KIRREL3: variants seen among roughly 807,000 people sequenced by gnomAD.
KIRREL3 encodes the protein kirre like nephrin family adhesion molecule 3.
A neutral mutation model predicts 89.7 loss-of-function variants in KIRREL3; 36 were observed. The ratio of observed to expected loss-of-function variants is 0.40; its 90% CI spans 0.31 to 0.53. The LOEUF (loss-of-function observed/expected upper bound fraction) is 0.53, where lower values mean the gene tolerates loss of function less well. Among genes scored for constraint, KIRREL3 ranks in the 20% least tolerant of loss-of-function variants. The probability of loss-of-function intolerance (pLI) is 0.49; values close to 1 mark genes in which losing one functional copy is unlikely to be tolerated. For synonymous variants in KIRREL3, 445 were observed against 441.4 expected (o/e 1.01, Z -0.10); for missense variants, 864 against 1,056.6 (o/e 0.82, Z 2.53).
At chr11:126,880,107 C>A (rs1019525834) in intron 1 of KIRREL3, among the ~76,000 whole-genome samples, 4 of 152,158 alleles carry the variant, frequency 2.6e-5, no homozygotes, top group Non-Finnish European at 5.9e-5. Flanking sequence ...TACAGATGTG[C>A]GAATTATCCT....
chr11:126,522,466 A>G lies in KIRREL3; in HGVS notation c.284-1002T>C, dbSNP rs1434267389. On this transcript the variant is annotated intron_variant, in intron 3 of 16. Coordinates refer to ENST00000525144, the MANE Select transcript of KIRREL3 (RefSeq NM_032531.4). The surrounding 1 kb of genome is among the most constrained non-coding windows in gnomAD (Gnocchi z 6.0). ...CTAGTCATTCCTCCTGTCCCGCCAG[A>G]AGCCCCAGGTCCTGGTGACGCACTT... Among the ~76,000 whole-genome samples, 1 of 152,206 alleles carries G rather than the reference A, an allele frequency of 6.6e-6. No individual in the cohort carries two copies. Among genetic ancestry groups the G allele is most frequent in the Non-Finnish European group, 1.5e-5 (1 of 68,044 alleles).
intron 1 of KIRREL3, among the ~76,000 whole-genome samples, chr11:126,598,333 A>G (rs1193947436): frequency 6.6e-6 from 1 of 152,206 alleles, no homozygotes; most frequent in African/African-American, 2.4e-5. Context: ...CCATTTATTT[A>G]CCATTACAGT....
At position 126,563,620 on chromosome 11, in the gene KIRREL3, C is replaced by G. The variant is rs1167018636; in HGVS notation, c.56-708G>C. Among the ~76,000 whole-genome samples the G allele has an allele frequency of 6.6e-6, 1 of 152,132 alleles. No individual in the cohort carries two copies. Among genetic ancestry groups the G allele is most frequent in the Non-Finnish European group, 1.5e-5 (1 of 68,040 alleles). ...TCGAGATAGCTGAGAGACACGGACT[C>G]CACAGGGCTTTGACCCAGTTGGAAA... is the stretch of plus-strand genomic sequence containing the variant. On this transcript the variant is annotated intron_variant, in intron 1 of 16. Coordinates refer to ENST00000525144, the MANE Select transcript of KIRREL3 (RefSeq NM_032531.4). The surrounding 1 kb of genome is among the most constrained non-coding windows in gnomAD (Gnocchi z 6.8).
chr11:126,819,752 A>G (rs550207621), intron 1 of KIRREL3, among the ~76,000 whole-genome samples: 7 of 152,334 alleles, frequency 4.6e-5, no homozygotes, highest in African/African-American at 1.4e-4. Flanking sequence ...TAATCTGCCA[A>G]TGTACTTATA....
chr11:126,540,714 TC>T (rs2134490617), intron 2 of KIRREL3, among the ~76,000 whole-genome samples: 1 of 152,258 alleles, frequency 6.6e-6, no homozygotes, highest in Non-Finnish European at 1.5e-5. Context: ...AGCCCATCCA[TC>T]CCTGCCCGAG....
chr11:126,951,278 A>T (rs1435093806), intron 1 of KIRREL3, among the ~76,000 whole-genome samples: 2 of 152,236 alleles, frequency 1.3e-5, no homozygotes, highest in African/African-American at 4.8e-5. Context: ...GAGATTGAAA[A>T]GATAGGCGAG....
In KIRREL3 at chr11:126,968,028, G is replaced by A. The variant is rs116085666; in HGVS notation, c.55+32427C>T. On this transcript the variant is annotated intron_variant, in intron 1 of 16. Coordinates refer to ENST00000525144, the MANE Select transcript of KIRREL3 (RefSeq NM_032531.4). The stretch of plus-strand genomic sequence containing the variant: ...CCTGCCTATCTTACTAGGCCAACTT[G>A]CTTCCCCCAAAGAAACTTCATAGAC... Among the ~76,000 whole-genome samples the A allele has an allele frequency of 1.9e-3, 295 of 152,270 alleles. 1 individual carries two copies. The highest frequency in any genetic ancestry group is 6.7e-3 in the African/African-American group (278 of 41,536).
chr11:126,821,649 C>A (rs2134455006), intron 1 of KIRREL3, among the ~76,000 whole-genome samples: 1 of 151,888 alleles, frequency 6.6e-6, no homozygotes, highest in East Asian at 1.9e-4. Context: ...AATTAAGTTG[C>A]AGATGAAATT....
rs61898701 is a variant in KIRREL3, at chr11:126,495,666, T to G, written c.434-22200A>C. ...GACACCAGGTATAAGCAGAAACTTATGGTCACAGTCAGGACCATGGAGGAG... is the reference window on the plus strand; with the variant it reads ...GACACCAGGTATAAGCAGAAACTTAGGGTCACAGTCAGGACCATGGAGGAG... On this transcript the variant is annotated intron_variant, in intron 4 of 16. Transcript: ENST00000525144. The surrounding 1 kb of genome is among the most constrained non-coding windows in gnomAD (Gnocchi z 6.5). Among the ~76,000 whole-genome samples, 8,621 of 152,236 alleles carry G rather than the reference T, an allele frequency of 0.057. 282 individuals are homozygous for G. Among genetic ancestry groups the G allele is most frequent in the South Asian group, 0.16 (762 of 4,814 alleles).
chr11:126,592,222 T>C (rs775849926), intron 1 of KIRREL3, among the ~76,000 whole-genome samples: 1 of 152,180 alleles, frequency 6.6e-6, no homozygotes, highest in Non-Finnish European at 1.5e-5. Context: ...AACAACACCA[T>C]AACTTAATCC....
At chr11:126,447,880 T>G (rs1041256662) in intron 8 of KIRREL3, among the ~76,000 whole-genome samples, 7 of 152,174 alleles carry the variant, frequency 4.6e-5, no homozygotes, top group African/African-American at 1.7e-4. Context: ...AAAGCAAGTT[T>G]AAAACTGTAA....
Position 126,768,807 on chromosome 11 carries a change from G to A in KIRREL3, c.56-205895C>T, listed in dbSNP as rs71475979. ...CTAAGCTTGATGGTCCTGGGGAAAG[G>A]AGGTATGGCAGGATGTCTGAGCAGT... On this transcript the variant is annotated intron_variant, in intron 1 of 16. Transcript: ENST00000525144. This position sits in a 1 kb window ranked among gnomAD's most constrained non-coding sequence, Gnocchi z 4.5. 2.4e-3 allele frequency among the ~76,000 whole-genome samples: 363 copies of A among 152,334 alleles called. 1 individual carries two copies. The highest frequency in any genetic ancestry group is 8.2e-3 in the African/African-American group (343 of 41,576).
At chr11:126,448,279 C>CAAAAAA (rs55787866) in intron 8 of KIRREL3, among the ~76,000 whole-genome samples, 2 of 95,380 alleles carry the variant, frequency 2.1e-5, no homozygotes, top group Non-Finnish European at 4.2e-5. Context: ...GAGACTGTCT[C>CAAAAAA]AAAAAAAAAA....
In KIRREL3 at chr11:126,656,921, G is replaced by A. The variant is rs1013086214; in HGVS notation, c.56-94009C>T. ...ACAGGGGTTGGCTGGGCATGGTGGT[G>A]TGTGCTTGTGGTCCTGGCTGCTTGG... On this transcript the variant is annotated intron_variant, in intron 1 of 16. Coordinates refer to ENST00000525144, the MANE Select transcript of KIRREL3 (RefSeq NM_032531.4). This position sits in a 1 kb window ranked among gnomAD's most constrained non-coding sequence, Gnocchi z 4.0. Among the ~76,000 whole-genome samples, 1 of 152,040 alleles carries A rather than the reference G, an allele frequency of 6.6e-6. No individual in the cohort carries two copies. Among genetic ancestry groups the A allele is most frequent in the Non-Finnish European group, 1.5e-5 (1 of 68,006 alleles).
In KIRREL3 at chr11:126,666,377, G is replaced by T. The variant is rs576274180; in HGVS notation, c.56-103465C>A. ...ACCAGGGAAAGGGGAGAAAGAAAAA[G>T]TGGGGGTAATCCACCAACTGTCTAA... On this transcript the variant is annotated intron_variant, in intron 1 of 16. Coordinates refer to ENST00000525144, the MANE Select transcript of KIRREL3 (RefSeq NM_032531.4). The surrounding 1 kb of genome is among the most constrained non-coding windows in gnomAD (Gnocchi z 4.2). Among the ~76,000 whole-genome samples, 1 of 152,294 alleles carries T rather than the reference G, an allele frequency of 6.6e-6. No homozygotes were observed. Among genetic ancestry groups the T allele is most frequent in the South Asian group, 2.1e-4 (1 of 4,820 alleles).
At position 126,814,250 on chromosome 11, in the gene KIRREL3, A is replaced by G. The variant is rs1310383864; in HGVS notation, c.55+186205T>C. 2.0e-5 allele frequency among the ~76,000 whole-genome samples: 3 copies of G among 152,178 alleles called. No individual in the cohort carries two copies. Among genetic ancestry groups the G allele is most frequent in the Non-Finnish European group, 4.4e-5 (3 of 68,036 alleles). On this transcript the variant is annotated intron_variant, in intron 1 of 16. Coordinates refer to ENST00000525144, the MANE Select transcript of KIRREL3 (RefSeq NM_032531.4). This position sits in a 1 kb window ranked among gnomAD's most constrained non-coding sequence, Gnocchi z 4.4. ...GAATGGCTTTTTTTTTAAAATTAAA[A>G]AGTCAAAAAGCAACAGATGCTGGCG... is the stretch of plus-strand genomic sequence containing the variant.
At chr11:126,451,567 T>C (rs1956164242) in intron 7 of KIRREL3, among the ~76,000 whole-genome samples, 1 of 121,050 alleles carries the variant, frequency 8.3e-6, no homozygotes, top group African/African-American at 2.7e-5. Context: ...TGTGTGATCA[T>C]GTGCATGTGT....
rs965154252 is a variant in KIRREL3 at position 126,733,871 on chromosome 11, A to T, written c.56-170959T>A. Among the ~76,000 whole-genome samples the T allele has an allele frequency of 5.3e-5, 8 of 152,152 alleles. No individual in the cohort carries two copies. In the East Asian group the frequency reaches 1.5e-3, roughly 29 times the overall value. On this transcript the variant is annotated intron_variant, in intron 1 of 16. Transcript: ENST00000525144. ...TCATGCCTATGGATTCTCTTCCCCC[A>T]GTGATAATGGGAGGAAATAAATAAA... is the stretch of plus-strand genomic sequence containing the variant.
In KIRREL3 at chr11:126,443,511, G is replaced by A. The variant is rs1472955851; in HGVS notation, c.1252+1468C>T. On this transcript the variant is annotated intron_variant, in intron 10 of 16. Transcript: ENST00000525144. The surrounding 1 kb of genome is among the most constrained non-coding windows in gnomAD (Gnocchi z 7.3). ...GGGCTCCGACTCAGGGCTCTGCCAG[G>A]ACAGGTGGCTGTGAACGTGCTGGGG... Among the ~76,000 whole-genome samples, 2 of 152,126 alleles carry A rather than the reference G, an allele frequency of 1.3e-5. No individual in the cohort carries two copies. The highest frequency in any genetic ancestry group is 3.9e-4 in the East Asian group (2 of 5,182).
Sources: allele counts gnomAD v4.1 joint callset (sites outside exome capture counted in the v4.1 genomes callset), GRCh38; gene constraint gnomAD v4.1.1; non-coding constraint Gnocchi (gnomAD v3.1); transcripts MANE v1.5; gene names NCBI Gene and HGNC (gene_info 2026-07-23, HGNC 2026-07-21).